NUP210L: variants seen among roughly 807,000 people sequenced by gnomAD.
NUP210L encodes nuclear pore membrane glycoprotein 210-like.
Under a neutral mutation model 208.5 loss-of-function variants are expected in NUP210L, and 74 were observed. The ratio of observed to expected loss-of-function variants is 0.35; its 90% confidence interval spans 0.29 to 0.43. NUP210L has a LOEUF of 0.43. Ranked by LOEUF, NUP210L falls within the 20% of genes least tolerant of loss-of-function variation. The probability of loss-of-function intolerance (pLI) is 1.00; values close to 1 mark genes in which losing one functional copy is unlikely to be tolerated. For missense variants in NUP210L, 1,843 were observed against 2,289.4 expected, an observed-to-expected ratio of 0.81 and a Z score of 3.98; for synonymous variants, 780 against 816.9, an observed-to-expected ratio of 0.95 and a Z score of 0.77.
chr1:153,994,652 G>C (rs375271265), intron 38 of NUP210L, among the ~76,000 whole-genome samples: 2 of 151,914 alleles, frequency 1.3e-5, no homozygotes, highest in South Asian at 2.1e-4. Flanking sequence ...GGACTAGCAA[G>C]GCTTAGTTTA....
intron 33 of NUP210L, among the ~76,000 whole-genome samples, chr1:154,018,254 G>A (rs1369925711): frequency 2.6e-5 from 4 of 152,100 alleles, no homozygotes; most frequent in African/African-American, 9.7e-5. Context: ...TTACAGATGT[G>A]AGCCACCGCG....
chr1:154,135,053 T>G (rs2148132229), intron 7 of NUP210L, among the ~76,000 whole-genome samples: 1 of 152,070 alleles, frequency 6.6e-6, no homozygotes, highest in African/African-American at 2.4e-5. Context: ...GTACCTTTCT[T>G]TGTTCAATCC....
At chr1:154,091,071 G>GTTGTTA (rs368916703) in intron 15 of NUP210L, among the ~76,000 whole-genome samples, 114 of 140,820 alleles carry the variant, frequency 8.1e-4, no homozygotes, top group Middle Eastern at 7.3e-3. Flanking sequence ...TATTATTGCT[G>GTTGTTA]TTATTATTAT....
intron 13 of NUP210L, 33 bp from the exon 14 acceptor site, chr1:154,100,176 G>T (rs143262561): frequency 1.9e-6 from 3 of 1,610,782 alleles, no homozygotes; most frequent in East Asian, 2.2e-5. Context: ...TTGGCAGGGC[G>T]TGGTGGCTCA....
chr1:154,116,778 C>T (rs1425072897), intron 12 of NUP210L, among the ~76,000 whole-genome samples: 1 of 151,902 alleles, frequency 6.6e-6, no homozygotes, highest in Non-Finnish European at 1.5e-5. Flanking sequence ...ACATAATATA[C>T]TAAAAAAGAG....
intron 27 of NUP210L, among the ~76,000 whole-genome samples, chr1:154,036,505 C>T (rs1311825810): frequency 2.7e-5 from 4 of 148,640 alleles, no homozygotes; most frequent in Non-Finnish European, 5.9e-5. Flanking sequence ...GCTGGGATTA[C>T]AGGTGCCCAC....
At chr1:154,001,616 T>C in intron 36 of NUP210L, 119 bp downstream of exon 36, 1 of 1,115,914 alleles carries the variant, frequency 9.0e-7, no homozygotes, top group East Asian at 2.4e-5. Context: ...ATTTTGTCAT[T>C]TCCTATGGTA....
At position 154,002,578 on chromosome 1, in the gene NUP210L, T is replaced by G. The variant is rs1453062166; in HGVS notation, c.4931-593A>C. ...AGATGGACGTTGCAGTGAGCTGAGA[T>G]CACACCACTGCATTCCAGCTTGGGG... On this transcript the variant is annotated intron_variant, in intron 35 of 39. Coordinates refer to ENST00000368559, the Ensembl canonical transcript of NUP210L. 2.0e-5 allele frequency among the ~76,000 whole-genome samples: 3 copies of G among 151,562 alleles called. No individual in the cohort carries two copies. In the East Asian group the frequency reaches 5.8e-4, roughly 29 times the overall value.
intron 5 of NUP210L, among the ~76,000 whole-genome samples, chr1:154,138,538 T>C (rs1571319534): frequency 6.6e-6 from 1 of 152,032 alleles, no homozygotes; most frequent in Non-Finnish European, 1.5e-5. Flanking sequence ...TAAGACTCAA[T>C]TGTAGAACAC....
chr1:154,112,071 G>A (rs1327771403), intron 12 of NUP210L, among the ~76,000 whole-genome samples: 1 of 151,342 alleles, frequency 6.6e-6, no homozygotes, highest in East Asian at 1.9e-4. Context: ...GGGACTATAG[G>A]TGCGCACCAC....
In NUP210L at chr1:154,072,266, C is replaced by A. The variant is rs976381020; in HGVS notation, c.2362-1801G>T. Among the ~76,000 whole-genome samples the A allele has an allele frequency of 4.6e-5, 7 of 151,170 alleles. No homozygotes were observed. In the South Asian group the frequency reaches 1.3e-3, roughly 27 times the overall value. On this transcript the variant is annotated intron_variant, in intron 16 of 39. Transcript: ENST00000368559. The stretch of plus-strand genomic sequence containing the variant: ...CCAGCAGCATAAAGTGTTCCCTGTT[C>A]ACCATATTTACACCAACATCTATTA...
intron 27 of NUP210L, among the ~76,000 whole-genome samples, chr1:154,044,339 G>A (rs1235092825): frequency 6.6e-6 from 1 of 151,780 alleles, no homozygotes; most frequent in Non-Finnish European, 1.5e-5. Flanking sequence ...CCCAGGAGGC[G>A]GAGGTTGCAG....
At position 153,998,006 on chromosome 1, in the gene NUP210L, C is replaced by T. The variant is rs144797625; in HGVS notation, c.5387-2826G>A. Among the ~76,000 whole-genome samples the T allele has an allele frequency of 1.5e-3, 233 of 152,084 alleles. 3 individuals carry two copies. The East Asian group carries it at 0.029, about 19-fold the overall frequency. On this transcript the variant is annotated intron_variant, in intron 37 of 39. Transcript: ENST00000368559. ...TACAGGCTTGAGCCACTGCACCTGG[C>T]CAATTACTGTAATTTTTAAGAGAAA...
exon 26 of NUP210L, chr1:154,046,319 T>C: frequency 1.2e-6 from 2 of 1,614,220 alleles, no homozygotes; most frequent in Non-Finnish European, 1.7e-6. Flanking sequence ...GAGTTGCAGC[T>C]GCAAGGATCC....
intron 12 of NUP210L, among the ~76,000 whole-genome samples, chr1:154,109,392 G>T (rs1656929650): frequency 6.6e-6 from 1 of 151,440 alleles, no homozygotes; most frequent in Admixed American, 6.6e-5. Flanking sequence ...AGATGTATAA[G>T]GCAAATATTA....
intron 25 of NUP210L, among the ~76,000 whole-genome samples, chr1:154,052,820 A>T (rs968697794): frequency 6.6e-6 from 1 of 152,248 alleles, no homozygotes; most frequent in Admixed American, 6.5e-5. Flanking sequence ...GATGCTGCAC[A>T]GTCATTATTG....
chr1:154,036,254 A>G (rs1185677863), intron 27 of NUP210L, among the ~76,000 whole-genome samples: 1 of 148,812 alleles, frequency 6.7e-6, no homozygotes, highest in East Asian at 2.0e-4. Context: ...ACTTGATATA[A>G]TTTCAGTGTT....
chr1:154,137,996 C>A, intron 6 of NUP210L, 110 bp downstream of exon 6: 1 of 798,472 alleles, frequency 1.3e-6, no homozygotes, highest in Non-Finnish European at 1.9e-6. Context: ...CACTTTACCA[C>A]AAAATCTAAA....
intron 13 of NUP210L, 49 bp from the exon 14 acceptor site, chr1:154,100,192 G>A (rs1238722803): frequency 1.3e-6 from 2 of 1,594,942 alleles, no homozygotes; most frequent in Admixed American, 3.4e-5. Context: ...GCTCAGGCTT[G>A]TAATCCCAGC....
Sources: allele counts gnomAD v4.1 joint callset (sites outside exome capture counted in the v4.1 genomes callset), GRCh38; gene constraint gnomAD v4.1.1; transcripts MANE v1.5; gene names NCBI Gene and HGNC (gene_info 2026-07-23, HGNC 2026-07-21).